OSBPL9: variants seen among roughly 807,000 people sequenced by gnomAD.
The protein encoded by OSBPL9 is oxysterol binding protein like 9.
A neutral mutation model predicts 106.6 loss-of-function variants in OSBPL9; 40 were observed. The ratio of observed to expected loss-of-function variants is 0.38; its 90% CI spans 0.29 to 0.49. The LOEUF (loss-of-function observed/expected upper bound fraction) is 0.49. Ranked by LOEUF, OSBPL9 falls within the 20% of genes least tolerant of loss-of-function variation. The pLI is 0.97. For synonymous variants in OSBPL9, 269 were observed against 295.4 expected, an observed-to-expected ratio of 0.91 and a Z score of 0.92; for missense variants, 609 against 887.2, an observed-to-expected ratio of 0.69 and a Z score of 3.98.
chr1:51,617,289 G>A, intron 1 of OSBPL9, 68 bp downstream of exon 1: 1 of 1,475,378 alleles, frequency 6.8e-7, no homozygotes, highest in Non-Finnish European at 9.2e-7. Flanking sequence ...GTGGGGGACC[G>A]GGGTTTTAGG....
chr1:51,719,516 T>A (rs182923474), intron 4 of OSBPL9, among the ~76,000 whole-genome samples: 608 of 152,114 alleles, frequency 4.0e-3, no homozygotes, highest in Non-Finnish European at 6.6e-3. Context: ...AAGGGATTGA[T>A]CATCACAAGA....
chr1:51,775,791 A>G (rs1674941781), intron 14 of OSBPL9, among the ~76,000 whole-genome samples: 1 of 151,936 alleles, frequency 6.6e-6, no homozygotes, highest in Non-Finnish European at 1.5e-5. Flanking sequence ...TTGTATTTTT[A>G]GTAGAGACGG....
intron 4 of OSBPL9, among the ~76,000 whole-genome samples, chr1:51,743,341 G>A (rs562494667): frequency 9.2e-5 from 14 of 152,326 alleles, no homozygotes; most frequent in African/African-American, 3.4e-4. Flanking sequence ...AGTGTAAGAA[G>A]AGAGTCAAGG....
the OSBPL9 span, among the ~76,000 whole-genome samples, chr1:51,528,128 A>G: frequency 2.6e-5 from 4 of 152,052 alleles, no homozygotes; most frequent in Admixed American, 1.3e-4. Context: ...TCTGTCCCAA[A>G]AAAAACCAAG....
chr1:51,601,526 C>T (rs1645325287), intron 2 of OSBPL9, among the ~76,000 whole-genome samples: 1 of 152,234 alleles, frequency 6.6e-6, no homozygotes, highest in South Asian at 2.1e-4. Flanking sequence ...CTGGAAGATG[C>T]ACAGTAAATA....
intron 3 of OSBPL9, among the ~76,000 whole-genome samples, chr1:51,693,262 C>T (rs548093028): frequency 1.3e-5 from 2 of 151,712 alleles, no homozygotes; most frequent in Admixed American, 1.3e-4. Context: ...GTCTCAGCCA[C>T]TTAGGAGGCT....
intron 4 of OSBPL9, among the ~76,000 whole-genome samples, chr1:51,723,628 C>T (rs955486780): frequency 1.3e-5 from 2 of 151,940 alleles, no homozygotes; most frequent in Non-Finnish European, 1.5e-5. Context: ...CTCATTGCAG[C>T]CTTGAATTCC....
chr1:51,568,927 G>A, the OSBPL9 span, among the ~76,000 whole-genome samples: 1 of 152,142 alleles, frequency 6.6e-6, no homozygotes, highest in Non-Finnish European at 1.5e-5. Flanking sequence ...TGGCCAGGAT[G>A]CTCTCGAACT....
intron 1 of OSBPL9, among the ~76,000 whole-genome samples, chr1:51,621,391 A>C (rs1644424783): frequency 2.0e-5 from 3 of 151,988 alleles, no homozygotes; most frequent in Admixed American, 2.0e-4. Context: ...TTGGGAGGCC[A>C]AGAATTCAGC....
the OSBPL9 span, among the ~76,000 whole-genome samples, chr1:51,549,362 A>G: frequency 2.6e-5 from 4 of 152,086 alleles, no homozygotes; most frequent in African/African-American, 4.8e-5. Context: ...TTCTCAAACC[A>G]CCAAAACTAC....
intron 11 of OSBPL9, 47 bp downstream of exon 11, chr1:51,762,018 T>G: frequency 7.2e-7 from 1 of 1,394,034 alleles, no homozygotes; most frequent in Non-Finnish European, 1.0e-6. Context: ...CTATTAACAT[T>G]TGAGGTTTGT....
At chr1:51,554,305 T>A in the OSBPL9 span, among the ~76,000 whole-genome samples, 1 of 152,300 alleles carries the variant, frequency 6.6e-6, no homozygotes, top group South Asian at 2.1e-4. Context: ...GATAGTATAA[T>A]TAACATATTT....
intron 1 of OSBPL9, among the ~76,000 whole-genome samples, chr1:51,582,134 G>C (rs1303030441): frequency 6.6e-6 from 1 of 152,124 alleles, no homozygotes; most frequent in Non-Finnish European, 1.5e-5. Flanking sequence ...AACCATAAGT[G>C]TATAGTTTAA....
At chr1:51,661,774 A>G (rs570990407) in intron 2 of OSBPL9, among the ~76,000 whole-genome samples, 1 of 152,324 alleles carries the variant, frequency 6.6e-6, no homozygotes, top group Admixed American at 6.5e-5. Flanking sequence ...ACCAGATATA[A>G]TCAAAAAAAT....
At chr1:51,703,653 C>T (rs1657802241) in intron 3 of OSBPL9, among the ~76,000 whole-genome samples, 1 of 152,142 alleles carries the variant, frequency 6.6e-6, no homozygotes, top group Non-Finnish European at 1.5e-5. Context: ...CCTGATTGCC[C>T]TGGCCAGAAC....
chr1:51,530,170 CAAAAAAA>C, the OSBPL9 span, among the ~76,000 whole-genome samples: 1 of 11,036 alleles, frequency 9.1e-5, no homozygotes, highest in African/African-American at 4.7e-4. Context: ...GACTCTGTCT[CAAAAAAA>C]AAAAAAAAAA....
intron 4 of OSBPL9, among the ~76,000 whole-genome samples, chr1:51,737,239 C>A (rs1169965902): frequency 6.6e-6 from 1 of 151,962 alleles, no homozygotes; most frequent in South Asian, 2.1e-4. Context: ...GCCAGATTTA[C>A]TCCTGGAAAA....
intron 15 of OSBPL9, among the ~76,000 whole-genome samples, chr1:51,779,385 T>C (rs1449222701): frequency 6.6e-6 from 1 of 152,174 alleles, no homozygotes; most frequent in Non-Finnish European, 1.5e-5. Flanking sequence ...TCACTCACCT[T>C]ATACAAAAAT....
chr1:51,728,068 G>T (rs942594676), intron 4 of OSBPL9, among the ~76,000 whole-genome samples: 37 of 152,190 alleles, frequency 2.4e-4, no homozygotes, highest in African/African-American at 8.2e-4. Context: ...AAAGTCCTTG[G>T]CAAATTAAAG....
Sources: allele counts gnomAD v4.1 joint callset (sites outside exome capture counted in the v4.1 genomes callset), GRCh38; gene constraint gnomAD v4.1.1; transcripts MANE v1.5; gene names NCBI Gene and HGNC (gene_info 2026-07-23, HGNC 2026-07-21).